Variants in IKZF3 observed in about 807,000 individuals in gnomAD.
The protein encoded by IKZF3 is IKAROS family zinc finger 3.
IKZF3 carries 10 observed loss-of-function variants against 49.0 expected under a neutral mutation model. That is an observed-to-expected ratio of 0.20 (90% CI 0.13 to 0.35). The LOEUF (loss-of-function observed/expected upper bound fraction) is 0.35, where lower values mean the gene tolerates loss of function less well. Ranked by LOEUF, IKZF3 falls within the 10% of genes least tolerant of loss-of-function variation. The pLI is 1.00. For synonymous variants in IKZF3, 209 were observed against 228.2 expected (o/e 0.92, Z 0.76); for missense variants, 498 against 664.8 (o/e 0.75, Z 2.76).
chr17:39,824,714 G>C (rs939338425), intron 3 of IKZF3, among the ~76,000 whole-genome samples: 1 of 138,238 alleles, frequency 7.2e-6, no homozygotes, highest in Admixed American at 7.4e-5. Context: ...TTTTCCTTTT[G>C]AGACGGAGTC....
intron 1 of IKZF3, among the ~76,000 whole-genome samples, chr17:39,863,791 G>A (rs553458141): frequency 1.2e-4 from 14 of 116,812 alleles, no homozygotes; most frequent in African/African-American, 1.8e-4. Context: ...ATATCCAAAA[G>A]GGTTGATTAT....
rs1042454900 is a variant in IKZF3 at position 39,802,593 on chromosome 17, C to T, written c.164-9660G>A. 5.0e-5 allele frequency among the ~76,000 whole-genome samples: 7 copies of T among 138,942 alleles called. No individual in the cohort carries two copies. The South Asian group carries it at 6.9e-4, about 14-fold the overall frequency. 91.2% of individuals were successfully genotyped at this position (138,942 alleles called of 152,430 possible). On this transcript the variant is annotated intron_variant, in intron 3 of 7. Coordinates refer to ENST00000346872, the MANE Select transcript of IKZF3 (RefSeq NM_012481.5). The stretch of plus-strand genomic sequence containing the variant: ...TTGCACTCTAGCCTGGGAGACAGAG[C>T]GAGACCCTGTCTCAAAAAAAAAAAA...
intron 1 of IKZF3, among the ~76,000 whole-genome samples, chr17:39,846,580 G>T (rs377134179): frequency 9.3e-5 from 14 of 151,164 alleles, no homozygotes; most frequent in South Asian, 4.2e-4. Flanking sequence ...CTTGGAAATG[G>T]CAGGAGTCTA....
intron 7 of IKZF3, among the ~76,000 whole-genome samples, chr17:39,771,284 CAAG>C (rs1000430084): frequency 4.6e-5 from 7 of 152,194 alleles, no homozygotes; most frequent in Non-Finnish European, 8.8e-5. Context: ...CACATGCACT[CAAG>C]AAGTATATGC....
At chr17:39,854,749 T>C (rs938123221) in intron 1 of IKZF3, among the ~76,000 whole-genome samples, 1 of 152,122 alleles carries the variant, frequency 6.6e-6, no homozygotes, top group Non-Finnish European at 1.5e-5. Context: ...TAGTTCATTT[T>C]TGGACTTGTT....
At chr17:39,776,871 T>C (rs1357094203) in intron 7 of IKZF3, among the ~76,000 whole-genome samples, 1 of 152,240 alleles carries the variant, frequency 6.6e-6, no homozygotes, top group Non-Finnish European at 1.5e-5. Context: ...AGGTCTATTT[T>C]CATGTGATAA....
intron 3 of IKZF3, among the ~76,000 whole-genome samples, chr17:39,806,854 CTCTT>C (rs1261405072): frequency 6.6e-6 from 1 of 152,204 alleles, no homozygotes; most frequent in Non-Finnish European, 1.5e-5. Context: ...ATCTCTCTCT[CTCTT>C]TCTCTCTGTG....
At chr17:39,851,792 T>C (rs759594685) in intron 1 of IKZF3, among the ~76,000 whole-genome samples, 1 of 152,212 alleles carries the variant, frequency 6.6e-6, no homozygotes, top group Non-Finnish European at 1.5e-5. Flanking sequence ...TTTAATTATA[T>C]GTTATTCCTT....
At chr17:39,809,104 T>G (rs928072594) in intron 3 of IKZF3, among the ~76,000 whole-genome samples, 7 of 152,264 alleles carry the variant, frequency 4.6e-5, no homozygotes, top group Non-Finnish European at 2.9e-5. Flanking sequence ...ACCAGACTGA[T>G]GAATATAGTG....
In IKZF3 at chr17:39,763,900, C is replaced by T. The variant is rs1301210163; in HGVS notation, c.*1890G>A. 6.6e-6 allele frequency: 1 copy of T among 152,190 alleles called. No individual in the cohort carries two copies. The highest frequency in any genetic ancestry group is 1.5e-5 in the Non-Finnish European group (1 of 68,046). The allele number at this position is 152,190 out of a possible 1,614,324, so 9.4% of individuals were successfully genotyped here. A position where few individuals can be genotyped will look rare whatever the true frequency, so the allele number is the denominator to read the frequency against. On this transcript the variant is annotated 3_prime_UTR_variant, in exon 8 of 8. Transcript: ENST00000346872. ...ACAGGGTCTCACTCTGTCGCCCAGACTGGAGTGCAGTAGTGTGATCTCCAC... is the reference window on the plus strand; with the variant it reads ...ACAGGGTCTCACTCTGTCGCCCAGATTGGAGTGCAGTAGTGTGATCTCCAC...
intron 1 of IKZF3, among the ~76,000 whole-genome samples, chr17:39,846,772 G>T (rs28648398): frequency 6.6e-6 from 1 of 151,710 alleles, no homozygotes; most frequent in Non-Finnish European, 1.5e-5. Flanking sequence ...AATTACCATT[G>T]AATTAAGAAT....
intron 1 of IKZF3, among the ~76,000 whole-genome samples, chr17:39,857,511 A>C (rs2063095384): frequency 6.6e-6 from 1 of 152,212 alleles, no homozygotes; most frequent in Admixed American, 6.5e-5. Context: ...CAAAATTATT[A>C]AATAAAGCCA....
At chr17:39,776,791 A>G (rs1408217647) in intron 7 of IKZF3, among the ~76,000 whole-genome samples, 1 of 152,236 alleles carries the variant, frequency 6.6e-6, no homozygotes, top group Non-Finnish European at 1.5e-5. Context: ...GAAATAAAAA[A>G]TCAACAGCGG....
intron 7 of IKZF3, among the ~76,000 whole-genome samples, chr17:39,773,166 A>C (rs907841586): frequency 6.6e-6 from 1 of 152,144 alleles, no homozygotes; most frequent in African/African-American, 2.4e-5. Flanking sequence ...AGCCCCGCGC[A>C]TGACATGCAC....
chr17:39,813,040 T>C (rs569340403), intron 3 of IKZF3, among the ~76,000 whole-genome samples: 1 of 151,822 alleles, frequency 6.6e-6, no homozygotes, highest in Non-Finnish European at 1.5e-5. Context: ...AGGTGGAGCT[T>C]GCAGGGAGCC....
chr17:39,801,914 G>A (rs1269302058), intron 3 of IKZF3, among the ~76,000 whole-genome samples: 1 of 151,948 alleles, frequency 6.6e-6, no homozygotes, highest in Non-Finnish European at 1.5e-5. Flanking sequence ...AACTGGAAAA[G>A]GTAAATCAGG....
intron 3 of IKZF3, among the ~76,000 whole-genome samples, chr17:39,795,238 G>C (rs1385375093): frequency 6.6e-6 from 1 of 152,120 alleles, no homozygotes; most frequent in African/African-American, 2.4e-5. Flanking sequence ...TATAGAGCAA[G>C]GAAGACAGTA....
intron 1 of IKZF3, among the ~76,000 whole-genome samples, chr17:39,850,736 GGCT>G (rs1568064714): frequency 4.0e-5 from 1 of 25,152 alleles, no homozygotes; most frequent in South Asian, 1.2e-3. Context: ...ATATATAATA[GGCT>G]ATATAGTATA....
chr17:39,839,200 A>G (rs773066711), intron 1 of IKZF3, among the ~76,000 whole-genome samples: 6 of 151,062 alleles, frequency 4.0e-5, no homozygotes, highest in Admixed American at 6.6e-5. Flanking sequence ...TATATTTATT[A>G]CTGAATGCAG....
Sources: allele counts gnomAD v4.1 joint callset (sites outside exome capture counted in the v4.1 genomes callset), GRCh38; gene constraint gnomAD v4.1.1; transcripts MANE v1.5; gene names NCBI Gene and HGNC (gene_info 2026-07-23, HGNC 2026-07-21).